PIK3C2G: variants seen among roughly 807,000 people sequenced by gnomAD.
PIK3C2G encodes the protein phosphatidylinositol 3-kinase C2 domain-containing subunit gamma.
PIK3C2G carries 168 observed loss-of-function variants against 181.1 expected under a neutral mutation model. The observed-to-expected ratio is 0.93, with a 90% CI of 0.82 to 1.05. PIK3C2G has a LOEUF of 1.05. Ranked by LOEUF, PIK3C2G falls within the 50% of genes least tolerant of loss-of-function variation. The pLI is 0.00. For missense variants in PIK3C2G, 1,869 were observed against 1,732.8 expected (o/e 1.08, Z -1.40); for synonymous variants, 573 against 592.2 (o/e 0.97, Z 0.47).
the PIK3C2G span, among the ~76,000 whole-genome samples, chr12:18,716,070 T>A: frequency 1.8e-4 from 28 of 152,318 alleles, no homozygotes; most frequent in Admixed American, 7.2e-4. Context: ...TGTATTTAGA[T>A]TTTAAGTTGG....
chr12:18,308,965 T>C (rs964712798), intron 5 of PIK3C2G, among the ~76,000 whole-genome samples: 8 of 151,836 alleles, frequency 5.3e-5, no homozygotes, highest in African/African-American at 1.7e-4. Context: ...TGTTGCACTA[T>C]GATGATTGAG....
intron 11 of PIK3C2G, among the ~76,000 whole-genome samples, chr12:18,354,945 T>C (rs1320412257): frequency 6.6e-6 from 1 of 151,574 alleles, no homozygotes; most frequent in East Asian, 2.0e-4. Flanking sequence ...ACAGGTGCCA[T>C]TGCAGCCTGC....
chr12:18,551,890 A>G (rs1944751306), intron 26 of PIK3C2G, among the ~76,000 whole-genome samples: 1 of 152,104 alleles, frequency 6.6e-6, no homozygotes, highest in South Asian at 2.1e-4. Flanking sequence ...TTCCAGAGAG[A>G]GGCAAACTCT....
At chr12:18,584,110 G>A (rs1946648030) in intron 29 of PIK3C2G, among the ~76,000 whole-genome samples, 1 of 151,170 alleles carries the variant, frequency 6.6e-6, no homozygotes, top group South Asian at 2.1e-4. Flanking sequence ...CTCACCACAA[G>A]GTCCACCTCC....
intron 6 of PIK3C2G, among the ~76,000 whole-genome samples, chr12:18,315,892 CGTGT>C (rs59803351): frequency 0.013 from 1,927 of 147,538 alleles, 31 homozygotes; most frequent in African/African-American, 0.038. Flanking sequence ...CATGCATCCA[CGTGT>C]GTGTGTGTGT....
intron 16 of PIK3C2G, among the ~76,000 whole-genome samples, chr12:18,411,670 T>A (rs968486046): frequency 9.9e-5 from 15 of 152,194 alleles, no homozygotes; most frequent in Non-Finnish European, 2.2e-4. Context: ...GATTTTCTAA[T>A]TCTAACCTGA....
At chr12:18,540,226 T>G (rs1335577346) in intron 25 of PIK3C2G, among the ~76,000 whole-genome samples, 1 of 151,790 alleles carries the variant, frequency 6.6e-6, no homozygotes, top group Non-Finnish European at 1.5e-5. Context: ...AAGATAAAAT[T>G]TATTTACATA....
At chr12:18,285,205 C>A (rs1161526461) in intron 2 of PIK3C2G, 1 of 152,022 alleles carries the variant, frequency 6.6e-6, no homozygotes, top group Non-Finnish European at 1.5e-5. Flanking sequence ...AAGCCAGAGA[C>A]AATAGAATGA....
chr12:18,296,546 A>C (rs958052668), intron 5 of PIK3C2G, among the ~76,000 whole-genome samples: 3 of 152,166 alleles, frequency 2.0e-5, no homozygotes, highest in African/African-American at 7.2e-5. Flanking sequence ...CAAAGTAATA[A>C]AGACATTTTT....
In PIK3C2G at chr12:18,446,290, G is replaced by A. The variant is rs184895281; in HGVS notation, c.2504+22251G>A. Among the ~76,000 whole-genome samples, 4 of 152,196 alleles carry A rather than the reference G, an allele frequency of 2.6e-5. 1 individual carries two copies. Among genetic ancestry groups the A allele is most frequent in the Admixed American group, 2.0e-4 (3 of 15,278 alleles). ...CCTGCCCTGGAGGTTCACCTCCGTG[G>A]ACAACATTCAGAGTCTCTCTTGCCC... On this transcript the variant is annotated intron_variant, in intron 18 of 32. Transcript: ENST00000538779.
rs142297671 is a variant in PIK3C2G, at chr12:18,546,865, T to C, written c.3590+433T>C. The stretch of plus-strand genomic sequence containing the variant: ...CTGTGACTCTCTTCTACTTTTAATC[T>C]ATTTTTTATTAAACAAGTCCAGCAA... On this transcript the variant is annotated intron_variant, in intron 26 of 32. Coordinates refer to ENST00000538779, the MANE Select transcript of PIK3C2G (RefSeq NM_001288772.2). 3.9e-5 allele frequency among the ~76,000 whole-genome samples: 6 copies of C among 152,168 alleles called. No individual in the cohort carries two copies. In the East Asian group the frequency reaches 1.2e-3, roughly 30 times the overall value.
intron 13 of PIK3C2G, among the ~76,000 whole-genome samples, chr12:18,379,630 C>T (rs1363202642): frequency 6.6e-6 from 1 of 152,210 alleles, no homozygotes; most frequent in African/African-American, 2.4e-5. Flanking sequence ...ATCCTTTGCC[C>T]TGGTGACTTC....
intron 2 of PIK3C2G, among the ~76,000 whole-genome samples, chr12:18,285,089 G>GA (rs1034376958): frequency 2.0e-5 from 3 of 151,962 alleles, no homozygotes; most frequent in African/African-American, 4.8e-5. Context: ...TCAAACATCT[G>GA]AAAATTAAAA....
intron 8 of PIK3C2G, among the ~76,000 whole-genome samples, chr12:18,332,859 C>T (rs189249799): frequency 6.6e-6 from 1 of 152,184 alleles, no homozygotes; most frequent in African/African-American, 2.4e-5. Context: ...TACCTACACA[C>T]CTGAGCCACC....
chr12:18,597,732 T>C (rs1211212289), intron 30 of PIK3C2G, among the ~76,000 whole-genome samples: 1 of 151,846 alleles, frequency 6.6e-6, no homozygotes, highest in Non-Finnish European at 1.5e-5. Flanking sequence ...ACGACATGAT[T>C]GTATATCTAG....
chr12:18,411,467 G>T (rs1362084377), intron 16 of PIK3C2G, among the ~76,000 whole-genome samples: 1 of 146,966 alleles, frequency 6.8e-6, no homozygotes, highest in Non-Finnish European at 1.5e-5. Context: ...TTATTCAGTA[G>T]ATAGACATTT....
chr12:18,696,871 C>T, the PIK3C2G span, among the ~76,000 whole-genome samples: 1 of 152,100 alleles, frequency 6.6e-6, no homozygotes, highest in African/African-American at 2.4e-5. Context: ...ACTTTCAATG[C>T]TTTTAATTAT....
chr12:18,678,415 A>T, the PIK3C2G span, among the ~76,000 whole-genome samples: 1 of 152,062 alleles, frequency 6.6e-6, no homozygotes, highest in Non-Finnish European at 1.5e-5. Context: ...ATTCGTTTTG[A>T]CATAAGCATA....
intron 15 of PIK3C2G, among the ~76,000 whole-genome samples, chr12:18,394,402 G>A: frequency 6.6e-6 from 1 of 151,988 alleles, no homozygotes; most frequent in East Asian, 1.9e-4. Context: ...AAAACTATTG[G>A]AAAATGTCTA....
Sources: gnomAD v4.1 joint callset for allele counts (sites outside exome capture counted in the v4.1 genomes callset) on GRCh38, gnomAD v4.1.1 for gene constraint, MANE v1.5 for transcripts, NCBI Gene and HGNC (gene_info 2026-07-23, HGNC 2026-07-21) for gene names.